KIF13A: variants seen among roughly 807,000 people sequenced by gnomAD.
The protein encoded by KIF13A is kinesin family member 13A, also known as kinesin-like protein KIF13A.
KIF13A carries 79 observed loss-of-function variants against 212.2 expected under a neutral mutation model. That is an observed-to-expected ratio of 0.37 (90% CI 0.31 to 0.45). The LOEUF (loss-of-function observed/expected upper bound fraction) is 0.45, where lower values mean the gene tolerates loss of function less well. Among genes scored for constraint, KIF13A ranks in the 20% least tolerant of loss-of-function variants. The pLI is 1.00. For missense variants in KIF13A, 1,901 were observed against 2,209.0 expected (o/e 0.86, Z 2.79); for synonymous variants, 789 against 808.6 (o/e 0.98, Z 0.41).
intron 4 of KIF13A, among the ~76,000 whole-genome samples, chr6:17,857,280 T>C (rs1362450738): frequency 1.3e-5 from 2 of 152,168 alleles, no homozygotes; most frequent in Admixed American, 1.3e-4. Context: ...CCCACCCAAA[T>C]CTCATCTTGA....
At chr6:17,795,370 G>T (rs1761937944) in intron 23 of KIF13A, among the ~76,000 whole-genome samples, 1 of 151,028 alleles carries the variant, frequency 6.6e-6, no homozygotes, top group Non-Finnish European at 1.5e-5. Flanking sequence ...ATCACCTGAG[G>T]TCAGGAGTTC....
At chr6:17,893,715 AT>A (rs1772278319) in intron 3 of KIF13A, among the ~76,000 whole-genome samples, 1 of 147,922 alleles carries the variant, frequency 6.8e-6, no homozygotes, top group Non-Finnish European at 1.5e-5. Context: ...TCAGATGTAG[AT>A]TTCTCATGGG....
At position 17,805,469 on chromosome 6, in the gene KIF13A, T is replaced by G; in HGVS notation, c.2304+6A>C. 1 of 1,613,080 alleles carries G rather than the reference T, an allele frequency of 6.2e-7. No individual in the cohort carries two copies. Among genetic ancestry groups the G allele is most frequent in the Non-Finnish European group, 8.5e-7 (1 of 1,179,490 alleles). ...CAAAATCTCCATTACATTTTGTCTC[T>G]TTTACCTCAGGAACTTTTTCCTTCC... On this transcript the variant is annotated splice_donor_region_variant and intron_variant, in intron 19 of 38. Coordinates refer to ENST00000259711, the MANE Select transcript of KIF13A (RefSeq NM_022113.6).
At chr6:17,962,961 G>C (rs909530087) in intron 2 of KIF13A, among the ~76,000 whole-genome samples, 2 of 152,208 alleles carry the variant, frequency 1.3e-5, no homozygotes, top group Non-Finnish European at 2.9e-5. Context: ...GTTAGACTCA[G>C]ATCTGTCTGT....
At chr6:17,784,304 G>C (rs1760861232) in intron 28 of KIF13A, among the ~76,000 whole-genome samples, 1 of 152,094 alleles carries the variant, frequency 6.6e-6, no homozygotes, top group Non-Finnish European at 1.5e-5. Context: ...CAGGCCTGTG[G>C]TCCCAGCTAC....
chr6:17,781,170 T>G lies in KIF13A; in HGVS notation c.3669+7A>C, dbSNP rs766032867. The G allele has an allele frequency of 6.2e-6, 10 of 1,613,938 alleles. No homozygotes were observed. Among genetic ancestry groups the G allele is most frequent in the Middle Eastern group, 1.7e-4 (1 of 6,060 alleles). Reference sequence around the variant, plus strand: ...AGCCTTTTAAGAGAAACTTGGGGGTTAATTACCTCATCATCACTGTGCTTT... The same window carrying G: ...AGCCTTTTAAGAGAAACTTGGGGGTGAATTACCTCATCATCACTGTGCTTT... On this transcript the variant is annotated splice_region_variant and intron_variant, in intron 30 of 38. Transcript: ENST00000259711.
At chr6:17,808,015 C>T (rs182486229) in intron 18 of KIF13A, among the ~76,000 whole-genome samples, 109 of 152,328 alleles carry the variant, frequency 7.2e-4, no homozygotes, top group Non-Finnish European at 1.1e-3. Context: ...AACTCCCAGA[C>T]GCTTGCAAAG....
intron 20 of KIF13A, among the ~76,000 whole-genome samples, chr6:17,800,846 G>T (rs554510531): frequency 6.6e-6 from 1 of 151,788 alleles, no homozygotes; most frequent in African/African-American, 2.4e-5. Context: ...TGATCCACCC[G>T]CCTCGGCCTC....
At position 17,773,204 on chromosome 6, in the gene KIF13A, C is replaced by T. The variant is rs1019615044; in HGVS notation, c.4324+274G>A. Among the ~76,000 whole-genome samples, 6 of 152,080 alleles carry T rather than the reference C, an allele frequency of 3.9e-5. No individual in the cohort carries two copies. Among genetic ancestry groups the T allele is most frequent in the Non-Finnish European group, 8.8e-5 (6 of 68,008 alleles). On this transcript the variant is annotated intron_variant, in intron 36 of 38. Transcript: ENST00000259711. The surrounding 1 kb of genome is among the most constrained non-coding windows in gnomAD (Gnocchi z 4.2). ...GATTTGTATGTGTCTCAAAACTGGACTTGAAAGTCAGGAAATGATGACAAA... is the reference window on the plus strand; with the variant it reads ...GATTTGTATGTGTCTCAAAACTGGATTTGAAAGTCAGGAAATGATGACAAA...
In KIF13A at chr6:17,873,457, ATTAAAC is replaced by A. The variant is rs1292044171; in HGVS notation, c.160-26_160-21del. The A allele has an allele frequency of 1.3e-6, 2 of 1,514,674 alleles. No individual in the cohort carries two copies. The highest frequency in any genetic ancestry group is 2.8e-5 in the African/African-American group (2 of 72,324). The allele number at this position is 1,514,674 out of a possible 1,614,324, so 93.8% of individuals were successfully genotyped here. A position where few individuals can be genotyped will look rare whatever the true frequency, so the allele number is the denominator to read the frequency against. On this transcript the variant is annotated intron_variant, in intron 3 of 38. Coordinates refer to ENST00000259711, the MANE Select transcript of KIF13A (RefSeq NM_022113.6). ...AAATACCTGAATGAAAGAACAAAAT[ATTAAAC>A]TTAAAGATTAATTAACTTCTTATGA...
intron 2 of KIF13A, among the ~76,000 whole-genome samples, chr6:17,920,800 G>A (rs557620531): frequency 5.3e-5 from 8 of 151,830 alleles, no homozygotes; most frequent in Middle Eastern, 3.4e-3. Context: ...CTGGAACCAG[G>A]GAGGAAGAGG....
intron 2 of KIF13A, among the ~76,000 whole-genome samples, chr6:17,979,106 AATGCAGCGAAACCCC>A (rs1345837741): frequency 4.6e-5 from 7 of 152,176 alleles, no homozygotes; most frequent in Non-Finnish European, 8.8e-5. Context: ...CAGCCTGACC[AATGCAGCGAAACCCC>A]ATGCCTACTA....
rs911657057 is a variant in KIF13A at position 17,900,673 on chromosome 6, T to A, written c.147-2493A>T. ...TCACTGTACTTCATTCATTGATACA[T>A]CCTCTACTTCATTCACTGATACAAC... On this transcript the variant is annotated intron_variant, in intron 2 of 38. Transcript: ENST00000259711. The surrounding 1 kb of genome is among the most constrained non-coding windows in gnomAD (Gnocchi z 4.6). Among the ~76,000 whole-genome samples the A allele has an allele frequency of 1.2e-4, 18 of 152,184 alleles. No homozygotes were observed. Among genetic ancestry groups the A allele is most frequent in the Non-Finnish European group, 1.8e-4 (12 of 68,034 alleles).
Position 17,828,464 on chromosome 6 carries a change from G to A in KIF13A, c.1402-94C>T. Reference sequence around the variant, plus strand: ...CAATTTGAATAACGCAGCAGCATATGCACAAAAATATTAAACGAATCCTGC... The same window carrying A: ...CAATTTGAATAACGCAGCAGCATATACACAAAAATATTAAACGAATCCTGC... On this transcript the variant is annotated intron_variant, in intron 13 of 38. Transcript: ENST00000259711. This position sits in a 1 kb window ranked among gnomAD's most constrained non-coding sequence, Gnocchi z 4.3. 9.7e-7 allele frequency: 1 copy of A among 1,033,216 alleles called. No homozygotes were observed. 64.0% of individuals were successfully genotyped at this position (1,033,216 alleles called of 1,614,324 possible). A position where few individuals can be genotyped will look rare whatever the true frequency, so the allele number is the denominator to read the frequency against.
Position 17,987,379 on chromosome 6 carries a change from A to G in KIF13A, c.55+30T>C, listed in dbSNP as rs1166196169. The G allele has an allele frequency of 7.5e-7, 1 of 1,336,738 alleles. No individual in the cohort carries two copies. Among genetic ancestry groups the G allele is most frequent in the African/African-American group, 1.6e-5 (1 of 64,086 alleles). The allele number at this position is 1,336,738 out of a possible 1,614,324, so 82.8% of individuals were successfully genotyped here. On this transcript the variant is annotated intron_variant, in intron 1 of 38. Coordinates refer to ENST00000259711, the MANE Select transcript of KIF13A (RefSeq NM_022113.6). The surrounding 1 kb of genome is among the most constrained non-coding windows in gnomAD (Gnocchi z 7.7). ...AGTTGCCCCCGCCCTCAGCCCGAGC[A>G]GAAATAAAAAAGAGCGGAAAGCTCC...
chr6:17,871,525 C>G lies in KIF13A; in HGVS notation c.220+1852G>C, dbSNP rs189916701. 1.1e-3 allele frequency among the ~76,000 whole-genome samples: 169 copies of G among 152,214 alleles called. No individual in the cohort carries two copies. The highest frequency in any genetic ancestry group is 3.9e-3 in the African/African-American group (164 of 41,532). ...AAGGGCTTCATGGGCTGCACACACA[C>G]AGTGGGTTGGGGGGGGAGTCATGAA... On this transcript the variant is annotated intron_variant, in intron 4 of 38. Coordinates refer to ENST00000259711, the MANE Select transcript of KIF13A (RefSeq NM_022113.6). The surrounding 1 kb of genome is among the most constrained non-coding windows in gnomAD (Gnocchi z 4.4).
Position 17,787,806 on chromosome 6 carries a change from C to A in KIF13A, c.3331G>T (p.Glu1111Ter). ...ALIKRREYLD[E>*]QIKKVSNKTE... ...TTATTGCTGACTTTTTTTATCTGTT[C>A]ATCCAGGTATTCTCGTCGTTTAATG... The change falls in exon 27 of 39, where the codon GAA becomes TAA. Residue 1111 changes from glutamate (E) to a stop codon, truncating the protein, a stop_gained. Transcript: ENST00000259711. LOFTEE classifies it high-confidence loss of function. The surrounding 1 kb of genome is among the most constrained non-coding windows in gnomAD (Gnocchi z 4.6). 6.2e-7 allele frequency: 1 copy of A among 1,612,578 alleles called. No homozygotes were observed. The highest frequency in any genetic ancestry group is 8.5e-7 in the Non-Finnish European group (1 of 1,178,692).
At chr6:17,950,450 T>G in intron 2 of KIF13A, 2 of 982,108 alleles carry the variant, frequency 2.0e-6, no homozygotes, top group Non-Finnish European at 2.4e-6. Flanking sequence ...AATAAAACTC[T>G]GTAATTATGA....
At position 17,837,262 on chromosome 6, in the gene KIF13A, T is replaced by C. The variant is rs548399078; in HGVS notation, c.943-172A>G. Among the ~76,000 whole-genome samples, 1 of 152,366 alleles carries C rather than the reference T, an allele frequency of 6.6e-6. No homozygotes were observed. Among genetic ancestry groups the C allele is most frequent in the African/African-American group, 2.4e-5 (1 of 41,582 alleles). ...GACAAGATGAAATGTGTCCTCTCTA[T>C]ATTCAAGCAATGAATAAGGCCTGTC... On this transcript the variant is annotated intron_variant, in intron 10 of 38. Coordinates refer to ENST00000259711, the MANE Select transcript of KIF13A (RefSeq NM_022113.6). This position sits in a 1 kb window ranked among gnomAD's most constrained non-coding sequence, Gnocchi z 5.4.
Sources: gnomAD v4.1 joint callset for allele counts (sites outside exome capture counted in the v4.1 genomes callset) on GRCh38, gnomAD v4.1.1 for gene constraint, Gnocchi (gnomAD v3.1) non-coding constraint, MANE v1.5 for transcripts, NCBI Gene and HGNC (gene_info 2026-07-23, HGNC 2026-07-21) for gene names.